The following SLC1A7 variants were observed in gnomAD, a reference collection of about 807,000 sequenced individuals.
SLC1A7 encodes solute carrier family 1 member 7.
SLC1A7 carries 40 observed loss-of-function variants against 47.7 expected under a neutral mutation model. That is an observed-to-expected ratio of 0.84 (90% confidence interval 0.65 to 1.09). The LOEUF (loss-of-function observed/expected upper bound fraction) is 1.09. SLC1A7 is among the 50% of genes least tolerant of loss of function. The pLI is 0.00. For synonymous variants in SLC1A7, 323 were observed against 325.6 expected (o/e 0.99, Z 0.09); for missense variants, 746 against 769.5 (o/e 0.97, Z 0.36).
At chr1:53,100,798 G>T (rs967023259) in intron 5 of SLC1A7, among the ~76,000 whole-genome samples, 6 of 126,938 alleles carry the variant, frequency 4.7e-5, no homozygotes, top group Non-Finnish European at 6.6e-5. Flanking sequence ...GCTTCAGTAC[G>T]CTCACACACC....
At chr1:53,095,511 ACT>A (rs1644475792) in intron 5 of SLC1A7, among the ~76,000 whole-genome samples, 2 of 144,704 alleles carry the variant, frequency 1.4e-5, no homozygotes, top group African/African-American at 5.2e-5. Flanking sequence ...ACACTCACAC[ACT>A]CTGCCTCGTT....
At chr1:53,096,647 C>T (rs1220862825) in intron 5 of SLC1A7, among the ~76,000 whole-genome samples, 2 of 150,236 alleles carry the variant, frequency 1.3e-5, no homozygotes, top group African/African-American at 2.5e-5. Flanking sequence ...CTTCGGTACA[C>T]TCACACATCC....
intron 4 of SLC1A7, among the ~76,000 whole-genome samples, chr1:53,104,278 C>T (rs184325507): frequency 4.5e-4 from 69 of 152,266 alleles, no homozygotes; most frequent in African/African-American, 1.5e-3. Flanking sequence ...TGAAATGAGA[C>T]GATGTATATA....
Position 53,114,871 on chromosome 1 carries a change from C to T in SLC1A7, c.318G>A (p.Val106=). 3 of 1,614,190 alleles carry T rather than the reference C, an allele frequency of 1.9e-6. No individual in the cohort carries two copies. Among genetic ancestry groups the T allele is most frequent in the Non-Finnish European group, 2.5e-6 (3 of 1,180,028 alleles). ...GGATGATGGAGACCATGAAGATGCCCACGATGACAGCCATGAAGGTGGTCC... is the reference window on the plus strand; with the variant it reads ...GGATGATGGAGACCATGAAGATGCCTACGATGACAGCCATGAAGGTGGTCC... The part of the protein sequence containing the change: ...YLWTTFMAVI[V]GIFMVSIIHP... Residue 106 remains valine, a synonymous_variant, in exon 3 of 11, where the codon GTG becomes GTA. Coordinates refer to ENST00000371494, the MANE Select transcript of SLC1A7 (RefSeq NM_006671.6).
chr1:53,102,841 G>A (rs1644599221), intron 5 of SLC1A7: 1 of 153,190 alleles, frequency 6.5e-6, no homozygotes, highest in Non-Finnish European at 1.5e-5. Context: ...GGACGAGGTA[G>A]AAAGTCACCC....
At position 53,142,506 on chromosome 1, in the gene SLC1A7, C is replaced by A; in HGVS notation, c.-57G>T. ...CACCATTCCACGCATGAGAGCCCGG[C>A]CGGGGGCACAGGGTCTGGGCTGAGG... On this transcript the variant is annotated 5_prime_UTR_variant, in exon 1 of 11. Coordinates refer to ENST00000371494, the MANE Select transcript of SLC1A7 (RefSeq NM_006671.6). 1.3e-6 allele frequency: 2 copies of A among 1,584,126 alleles called. No individual in the cohort carries two copies. The highest frequency in any genetic ancestry group is 1.7e-6 in the Non-Finnish European group (2 of 1,166,062).
chr1:53,105,847 G>A (rs1461370424), intron 3 of SLC1A7, 73 bp from the exon 4 acceptor site: 1 of 1,261,524 alleles, frequency 7.9e-7, no homozygotes, highest in Non-Finnish European at 1.2e-6. Flanking sequence ...TGGCCTTGGG[G>A]TCATCTGGAC....
intron 1 of SLC1A7, among the ~76,000 whole-genome samples, chr1:53,136,633 A>ATTT (rs1231449556): frequency 4.6e-4 from 60 of 129,740 alleles, no homozygotes; most frequent in African/African-American, 1.7e-3. Flanking sequence ...CATATATAAT[A>ATTT]TATAAAAACA....
In SLC1A7 at chr1:53,087,967, C is replaced by G. The variant is rs767905103; in HGVS notation, c.*42G>C. ...GAGAGTCGAGTTCCTGCCTCAGGAC[C>G]CTGCCCCTGGAGGCCTCGCCTGCCC... On this transcript the variant is annotated 3_prime_UTR_variant, in exon 11 of 11. Coordinates refer to ENST00000371494, the MANE Select transcript of SLC1A7 (RefSeq NM_006671.6). The G allele has an allele frequency of 3.5e-6, 4 of 1,129,092 alleles. No individual in the cohort carries two copies. In the East Asian group the frequency reaches 1.3e-4, roughly 38 times the overall value. The allele number at this position is 1,129,092 out of a possible 1,614,324, so 69.9% of individuals were successfully genotyped here. A position where few individuals can be genotyped will look rare whatever the true frequency, so the allele number is the denominator to read the frequency against.
chr1:53,125,339 A>G (rs957277590), intron 2 of SLC1A7, among the ~76,000 whole-genome samples: 6 of 152,222 alleles, frequency 3.9e-5, no homozygotes, highest in African/African-American at 1.4e-4. Flanking sequence ...TCGGATGAGA[A>G]GGCAGCACTG....
intron 2 of SLC1A7, among the ~76,000 whole-genome samples, chr1:53,120,687 C>T (rs916348326): frequency 2.0e-4 from 30 of 152,248 alleles, no homozygotes; most frequent in Admixed American, 1.8e-3. Context: ...CCCAGGGCAC[C>T]CTGTGCTTCC....
intron 2 of SLC1A7, among the ~76,000 whole-genome samples, chr1:53,116,694 G>C (rs1288382): frequency 0.94 from 143,197 of 152,214 alleles, 67,892 homozygotes; most frequent in East Asian, 1. Context: ...AGAACCCCCC[G>C]CAGTGGGGTC....
At chr1:53,093,824 G>C (rs534511919) in intron 5 of SLC1A7, among the ~76,000 whole-genome samples, 1 of 152,152 alleles carries the variant, frequency 6.6e-6, no homozygotes, top group South Asian at 2.1e-4. Flanking sequence ...CCCTGGCTTC[G>C]CTGTGCGCTT....
intron 6 of SLC1A7, 111 bp downstream of exon 6, chr1:53,093,350 G>A (rs1445361249): frequency 2.2e-6 from 2 of 896,698 alleles, no homozygotes; most frequent in Non-Finnish European, 3.4e-6. Flanking sequence ...GCCCAGGGCT[G>A]AGCCTGGGCA....
At chr1:53,136,636 TAAAAAC>T (rs1380195429) in intron 1 of SLC1A7, among the ~76,000 whole-genome samples, 1,575 of 112,834 alleles carry the variant, frequency 0.014, 27 homozygotes, top group African/African-American at 0.024. Context: ...ATATAATATA[TAAAAAC>T]ATATATATAT....
At chr1:53,131,172 G>C (rs1462226883) in intron 2 of SLC1A7, among the ~76,000 whole-genome samples, 1 of 152,206 alleles carries the variant, frequency 6.6e-6, no homozygotes, top group Non-Finnish European at 1.5e-5. Flanking sequence ...TCTGGTGGAG[G>C]GAGACCAGGC....
chr1:53,140,651 G>C (rs1010528458), intron 1 of SLC1A7, among the ~76,000 whole-genome samples: 1 of 152,114 alleles, frequency 6.6e-6, no homozygotes, highest in Non-Finnish European at 1.5e-5. Flanking sequence ...GGGAGGGAGG[G>C]GGAAGTAACA....
At chr1:53,094,692 G>A (rs1030064737) in intron 5 of SLC1A7, among the ~76,000 whole-genome samples, 1 of 152,150 alleles carries the variant, frequency 6.6e-6, no homozygotes, top group Non-Finnish European at 1.5e-5. Flanking sequence ...TCTTCCTGCC[G>A]CCTGGCTGAT....
intron 2 of SLC1A7, among the ~76,000 whole-genome samples, chr1:53,127,038 GTTTTTTTT>G (rs61456544): frequency 1.0e-5 from 1 of 97,564 alleles, no homozygotes; most frequent in Admixed American, 1.4e-4. Context: ...AATTTTAAAA[GTTTTTTTT>G]TTTTTTTTTT....
Sources: gnomAD v4.1 joint callset for allele counts (sites outside exome capture counted in the v4.1 genomes callset) on GRCh38, gnomAD v4.1.1 for gene constraint, MANE v1.5 for transcripts, NCBI Gene and HGNC (gene_info 2026-07-23, HGNC 2026-07-21) for gene names.